The following C1QTNF12 variants were observed in gnomAD, a reference collection of about 807,000 sequenced individuals.
C1QTNF12 encodes C1q and TNF related 12, also known as adipolin.
A neutral mutation model predicts 34.3 loss-of-function variants in C1QTNF12; 39 were observed. The ratio of observed to expected loss-of-function variants is 1.14; its 90% CI spans 0.88 to 1.49. The LOEUF is 1.49. C1QTNF12 is among the 40% of genes most tolerant of loss of function. The pLI is 0.00. For synonymous variants in C1QTNF12, 220 were observed against 196.9 expected (o/e 1.12, Z -0.98); for missense variants, 497 against 424.7 (o/e 1.17, Z -1.50).
At chr1:1,247,131 C>T (rs1638915088), upstream of C1QTNF12, among the ~76,000 whole-genome samples, 1 of 150,976 alleles carries the variant, frequency 6.6e-6, no homozygotes, top group African/African-American at 2.4e-5. Context: ...CCCCAAAGGT[C>T]CACCTCATTC....
In C1QTNF12 at chr1:1,242,872, A is replaced by C; in HGVS notation, c.773T>G (p.Val258Gly). 1 of 1,612,392 alleles carries C rather than the reference A, an allele frequency of 6.2e-7. No individual in the cohort carries two copies. Residue 258 changes from valine (V) to glycine (G), a missense_variant, in exon 7 of 8, where the codon GTC (valine) becomes GGC (glycine). By Grantham distance (109) the Val-to-Gly change is moderately radical. Transcript: ENST00000330388. ...AVSGLESNSRVFTLQVQGLLQ... is the reference protein window; with the variant it reads ...AVSGLESNSRGFTLQVQGLLQ... ...CAGCCCCTGCACCTGTAGCGTGAAG[A>C]CCCTGCTGTTGCTCTCCAGGCCTGA...
intron 1 of C1QTNF12, among the ~76,000 whole-genome samples, chr1:1,245,639 G>T (rs1024180007): frequency 6.6e-6 from 1 of 152,066 alleles, no homozygotes; most frequent in Non-Finnish European, 1.5e-5. Context: ...CTGCCAGCCT[G>T]GCCCTAGCGC....
chr1:1,246,765 A>C, upstream of C1QTNF12: 5 of 1,097,212 alleles, frequency 4.6e-6, no homozygotes, highest in Non-Finnish European at 4.5e-6. The surrounding 1 kb of genome is among the most constrained non-coding windows in gnomAD (Gnocchi z 4.5). Context: ...CGGCGCTCAG[A>C]GCCCCCGCGC....
upstream of C1QTNF12, among the ~76,000 whole-genome samples, chr1:1,247,049 C>CGG (rs1323067040): frequency 1.1e-4 from 16 of 152,048 alleles, no homozygotes; most frequent in Non-Finnish European, 1.2e-4. Context: ...GGAGACGGGG[C>CGG]GGAGACCCCC....
chr1:1,243,852 C>T, intron 4 of C1QTNF12, 102 bp downstream of exon 4: 1 of 1,435,930 alleles, frequency 7.0e-7, no homozygotes, highest in Non-Finnish European at 9.4e-7. Context: ...CCCCAGCCCC[C>T]AACCCACATG....
At position 1,244,239 on chromosome 1, in the gene C1QTNF12, C is replaced by A. The variant is rs201741650; in HGVS notation, c.331G>T (p.Glu111Ter). The A allele has an allele frequency of 4.9e-5, 79 of 1,599,400 alleles. No homozygotes were observed. Among genetic ancestry groups the A allele is most frequent in the Admixed American group, 6.9e-5 (4 of 58,126 alleles). The change falls in exon 3 of 8, where the codon GAA becomes TAA. Residue 111 changes from glutamate (E) to a stop codon, truncating the protein, a stop_gained. Coordinates refer to ENST00000330388, the MANE Select transcript of C1QTNF12 (RefSeq NM_001014980.3). LOFTEE classifies it high-confidence loss of function. Reference sequence around the variant, plus strand: ...TGAAGCAGAGTCTCCGCGGTCACTTCTGCACCTGGAGGTCCTGGGGGACCG... The same window carrying A: ...TGAAGCAGAGTCTCCGCGGTCACTTATGCACCTGGAGGTCCTGGGGGACCG... ...LFGPPGPPGA[E>*]VTAETLLHEF...
intron 5 of C1QTNF12, 134 bp downstream of exon 5, chr1:1,243,310 C>G (rs1057294161): frequency 9.7e-5 from 99 of 1,022,290 alleles, no homozygotes; most frequent in Middle Eastern, 2.6e-4. Context: ...ACCCCATGCC[C>G]AGTCCAAGGC....
At position 1,246,518 on chromosome 1, in the gene C1QTNF12, G is replaced by C; in HGVS notation, c.173C>G (p.Pro58Arg). 1.6e-6 allele frequency: 2 copies of C among 1,233,322 alleles called. No individual in the cohort carries two copies. Among genetic ancestry groups the C allele is most frequent in the Non-Finnish European group, 2.0e-6 (2 of 988,434 alleles). 76.4% of individuals were successfully genotyped at this position (1,233,322 alleles called of 1,614,324 possible). A position where few individuals can be genotyped will look rare whatever the true frequency, so the allele number is the denominator to read the frequency against. Residue 58 changes from proline to arginine, a missense_variant, in exon 1 of 8, where the codon CCC (proline) becomes CGC (arginine). Transcript: ENST00000330388. The surrounding 1 kb of genome is among the most constrained non-coding windows in gnomAD (Gnocchi z 4.5). ...ACGTGCGTCCCGGCCGCGTACCTTGGGGGCCTCGGGCAGCCCCTCGCGGGA... is the reference window on the plus strand; with the variant it reads ...ACGTGCGTCCCGGCCGCGTACCTTGCGGGCCTCGGGCAGCCCCTCGCGGGA... Reference protein sequence around the residue: ...ASSREGLPEAPKPSQASGPEF... With the variant: ...ASSREGLPEARKPSQASGPEF...
chr1:1,246,686 C>T lies in C1QTNF12; in HGVS notation c.5G>A (p.Arg2Gln). 4.9e-6 allele frequency: 6 copies of T among 1,223,526 alleles called. No individual in the cohort carries two copies. Among genetic ancestry groups the T allele is most frequent in the Non-Finnish European group, 6.1e-6 (6 of 982,580 alleles). The allele number at this position is 1,223,526 out of a possible 1,614,324, so 75.8% of individuals were successfully genotyped here. A position where few individuals can be genotyped will look rare whatever the true frequency, so the allele number is the denominator to read the frequency against. M[R>Q]RWAWAAVVVL... is the part of the protein sequence containing the mutation. The stretch of plus-strand genomic sequence containing the variant: ...CACGACCGCGGCCCAGGCCCAGCGC[C>T]GCATGGCTCCGTCCCGAGGCGGCTC... The change falls in exon 1 of 8, where the codon CGG becomes CAG. Residue 2 changes from arginine to glutamine, a missense_variant. Arg to Gln is a conservative substitution (Grantham distance 43). Coordinates refer to ENST00000330388, the MANE Select transcript of C1QTNF12 (RefSeq NM_001014980.3). The surrounding 1 kb of genome is among the most constrained non-coding windows in gnomAD (Gnocchi z 4.5).
chr1:1,246,773 C>T (rs963998249), upstream of C1QTNF12: 10 of 1,063,714 alleles, frequency 9.4e-6, no homozygotes, highest in Non-Finnish European at 1.2e-5. The surrounding 1 kb of genome is among the most constrained non-coding windows in gnomAD (Gnocchi z 4.5). Context: ...AGAGCCCCCG[C>T]GCGGGGGCGA....
At position 1,244,467 on chromosome 1, in the gene C1QTNF12, C is replaced by T. The variant is rs769400296; in HGVS notation, c.208G>A (p.Asp70Asn). ...PSQASGPEFSDAHMTWLNFVR... is the reference protein window; with the variant it reads ...PSQASGPEFSNAHMTWLNFVR... ...AAGTTCAGCCATGTCATGTGGGCGT[C>T]GGAGAACTCAGGTCCTGAGGCCTGG... The change falls in exon 2 of 8, where the codon GAC becomes AAC. Residue 70 changes from aspartate to asparagine, a missense_variant. By Grantham distance (23) the Asp-to-Asn change is conservative (BLOSUM62 1). Transcript: ENST00000330388. The T allele has an allele frequency of 7.4e-6, 12 of 1,611,694 alleles. No homozygotes were observed. The highest frequency in any genetic ancestry group is 2.2e-5 in the East Asian group (1 of 44,878).
In C1QTNF12 at chr1:1,243,972, C is replaced by T; in HGVS notation, c.513G>A (p.Glu171=). The change falls in exon 4 of 8, where the codon GAG becomes GAA. Residue 171 remains glutamate (E), a synonymous_variant. Transcript: ENST00000330388. ...CACTCACAGCCTGGAAACCATGCAG[C>T]TCCACCAGCGTCCGCTTGTCCACCC... is the stretch of plus-strand genomic sequence containing the variant. ...PRRVDKRTLV[E]LHGFQAPAAQ... 6.2e-7 allele frequency: 1 copy of T among 1,609,530 alleles called. No individual in the cohort carries two copies. Among genetic ancestry groups the T allele is most frequent in the South Asian group, 1.1e-5 (1 of 90,616 alleles).
chr1:1,245,883 C>T (rs1261543073), intron 1 of C1QTNF12, among the ~76,000 whole-genome samples: 2 of 152,200 alleles, frequency 1.3e-5, no homozygotes, highest in African/African-American at 4.8e-5. Flanking sequence ...CTGGGGCCCA[C>T]GACGGCGGCA....
chr1:1,243,302 C>T lies in C1QTNF12; in HGVS notation c.640+142G>A. ...CTGAGGCCAGGCGTGCAGCAGGGACCCCATGCCCAGTCCAAGGCCCCCCAT... is the reference window on the plus strand; with the variant it reads ...CTGAGGCCAGGCGTGCAGCAGGGACTCCATGCCCAGTCCAAGGCCCCCCAT... On this transcript the variant is annotated intron_variant, in intron 5 of 7. Coordinates refer to ENST00000330388, the MANE Select transcript of C1QTNF12 (RefSeq NM_001014980.3). 3 of 1,004,372 alleles carry T rather than the reference C, an allele frequency of 3.0e-6. No individual in the cohort carries two copies. The Admixed American group carries it at 7.0e-5, about 24-fold the overall frequency. 62.2% of individuals were successfully genotyped at this position (1,004,372 alleles called of 1,614,324 possible). A position where few individuals can be genotyped will look rare whatever the true frequency, so the allele number is the denominator to read the frequency against.
chr1:1,243,309 C>T, intron 5 of C1QTNF12, 135 bp downstream of exon 5: 5 of 1,025,070 alleles, frequency 4.9e-6, no homozygotes, highest in Non-Finnish European at 7.2e-6. Context: ...GACCCCATGC[C>T]CAGTCCAAGG....
rs1638884571 is a variant in C1QTNF12, at chr1:1,246,061, G to C, written c.177+453C>G. 6.6e-6 allele frequency among the ~76,000 whole-genome samples: 1 copy of C among 152,126 alleles called. No homozygotes were observed. Among genetic ancestry groups the C allele is most frequent in the Non-Finnish European group, 1.5e-5 (1 of 68,002 alleles). On this transcript the variant is annotated intron_variant, in intron 1 of 7. Transcript: ENST00000330388. This position sits in a 1 kb window ranked among gnomAD's most constrained non-coding sequence, Gnocchi z 4.5. The stretch of plus-strand genomic sequence containing the variant: ...GCTAGCTACACAGGACCCCCAGAAA[G>C]CACAAGGGACAGGCTCGCCATGGCG...
chr1:1,245,995 G>A (rs918684857), intron 1 of C1QTNF12, among the ~76,000 whole-genome samples: 7 of 152,052 alleles, frequency 4.6e-5, no homozygotes, highest in African/African-American at 1.4e-4. Context: ...GAGGACGCCC[G>A]GCCTGACTGG....
At chr1:1,243,623 G>T in intron 4 of C1QTNF12, 71 bp from the exon 5 acceptor site, 1 of 1,315,728 alleles carries the variant, frequency 7.6e-7, no homozygotes, top group Non-Finnish European at 1.1e-6. Flanking sequence ...CCTGGGGAAG[G>T]TGCCTGCAAC....
chr1:1,244,282 G>A lies in C1QTNF12; in HGVS notation c.295-7C>T, dbSNP rs1479836775. ...GGGGACCGAAGAGATCCCGCTGGGG[G>A]GAGAGAGAAGCAGGTGAGGGGCCCA... On this transcript the variant is annotated splice_polypyrimidine_tract_variant and splice_region_variant and intron_variant, in intron 2 of 7. Coordinates refer to ENST00000330388, the MANE Select transcript of C1QTNF12 (RefSeq NM_001014980.3). 4.4e-6 allele frequency: 7 copies of A among 1,591,656 alleles called. No individual in the cohort carries two copies. Among genetic ancestry groups the A allele is most frequent in the Middle Eastern group, 1.7e-4 (1 of 5,984 alleles).
Sources: gnomAD v4.1 joint callset for allele counts (sites outside exome capture counted in the v4.1 genomes callset) on GRCh38, gnomAD v4.1.1 for gene constraint, Gnocchi (gnomAD v3.1) non-coding constraint, MANE v1.5 for transcripts, NCBI Gene and HGNC (gene_info 2026-07-23, HGNC 2026-07-21) for gene names.